The following ZNF385D variants were observed in gnomAD, a reference collection of about 807,000 sequenced individuals.
The protein encoded by ZNF385D is zinc finger protein 659.
In ZNF385D, 15 loss-of-function variants were observed where a neutral mutation model predicts 35.8. The ratio of observed to expected loss-of-function variants is 0.42; its 90% CI spans 0.28 to 0.64. The LOEUF is 0.64. Ranked by LOEUF, ZNF385D falls within the 30% of genes least tolerant of loss-of-function variation. The pLI is 0.23. For missense variants in ZNF385D, 474 were observed against 494.6 expected, an observed-to-expected ratio of 0.96 and a Z score of 0.39; for synonymous variants, 212 against 186.8, an observed-to-expected ratio of 1.13 and a Z score of -1.10.
intron 2 of ZNF385D, among the ~76,000 whole-genome samples, chr3:22,265,527 G>C (rs899273670): frequency 6.6e-6 from 1 of 151,916 alleles, no homozygotes; most frequent in Non-Finnish European, 1.5e-5. Context: ...TACTTAGAGA[G>C]GAAAGCAAGT....
intron 2 of ZNF385D, among the ~76,000 whole-genome samples, chr3:22,336,309 A>G (rs554525911): frequency 1.3e-5 from 2 of 152,314 alleles, no homozygotes; most frequent in African/African-American, 4.8e-5. Flanking sequence ...TGCCTGAAAT[A>G]CTATTGCAAC....
rs551539202 is a variant in ZNF385D, at chr3:21,569,596, C to T, written c.166-4912G>A. Among the ~76,000 whole-genome samples the T allele has an allele frequency of 4.0e-3, 601 of 150,396 alleles. 5 individuals are homozygous for T. The highest frequency in any genetic ancestry group is 0.014 in the African/African-American group (557 of 40,756). The stretch of plus-strand genomic sequence containing the variant: ...TAATATTGTTACGTGTGAATTTGAT[C>T]CTGTCATTATGATGTTAGCTGGTTA... On this transcript the variant is annotated intron_variant, in intron 2 of 7. Coordinates refer to ENST00000281523, the MANE Select transcript of ZNF385D (RefSeq NM_024697.3).
intron 2 of ZNF385D, among the ~76,000 whole-genome samples, chr3:22,282,882 G>C (rs565780144): frequency 1.1e-4 from 17 of 152,090 alleles, no homozygotes; most frequent in African/African-American, 3.9e-4. Flanking sequence ...CCACTTAAAA[G>C]ACACAGAATG....
At chr3:21,946,598 G>T (rs34025961) in intron 3 of ZNF385D, among the ~76,000 whole-genome samples, 39,088 of 151,380 alleles carry the variant, frequency 0.26, 5,838 homozygotes, top group Admixed American at 0.41. Flanking sequence ...TTGGGAGGCT[G>T]AGGCAAGTGG....
intron 2 of ZNF385D, among the ~76,000 whole-genome samples, chr3:22,338,521 G>C (rs765388477): frequency 4.0e-5 from 6 of 151,868 alleles, no homozygotes; most frequent in Non-Finnish European, 8.8e-5. Context: ...AATATACAGT[G>C]GATAGAAATT....
chr3:21,483,497 A>C (rs899436459), intron 4 of ZNF385D, among the ~76,000 whole-genome samples: 1 of 152,146 alleles, frequency 6.6e-6, no homozygotes, highest in Non-Finnish European at 1.5e-5. Flanking sequence ...GTATATGTTT[A>C]CTTTTACAAG....
In ZNF385D at chr3:21,547,004, G is replaced by T. The variant is rs539270443; in HGVS notation, c.276+17570C>A. On this transcript the variant is annotated intron_variant, in intron 3 of 7. Transcript: ENST00000281523. Reference sequence around the variant, plus strand: ...GAAGAGAAGGGAACCAGGGACACTTGCTCCCCTCTTTCTAAATGGGTAGCC... The same window carrying T: ...GAAGAGAAGGGAACCAGGGACACTTTCTCCCCTCTTTCTAAATGGGTAGCC... Among the ~76,000 whole-genome samples the T allele has an allele frequency of 2.6e-5, 4 of 152,134 alleles. No individual in the cohort carries two copies. The East Asian group carries it at 7.8e-4, about 30-fold the overall frequency.
At chr3:22,039,993 T>G (rs1352281664) in intron 3 of ZNF385D, among the ~76,000 whole-genome samples, 2 of 152,136 alleles carry the variant, frequency 1.3e-5, no homozygotes, top group African/African-American at 4.8e-5. Flanking sequence ...TGAGGCTGAA[T>G]ATTTGGCCTC....
chr3:21,844,822 C>T (rs1159975984), intron 3 of ZNF385D, among the ~76,000 whole-genome samples: 1 of 151,852 alleles, frequency 6.6e-6, no homozygotes, highest in Non-Finnish European at 1.5e-5. Context: ...TGAAATTTTT[C>T]AGAGTTGCCT....
Position 22,300,134 on chromosome 3 carries a change from A to G in ZNF385D, c.106+72316T>C, listed in dbSNP as rs148081609. 7.1e-3 allele frequency among the ~76,000 whole-genome samples: 1,082 copies of G among 152,074 alleles called. 9 individuals carry two copies. Among genetic ancestry groups the G allele is most frequent in the African/African-American group, 0.024 (1,003 of 41,540 alleles). On this transcript the variant is annotated intron_variant, in intron 2 of 5. Coordinates refer to the ZNF385D transcript ENST00000494108. ...CACATAGACCAATGGAATAGAATAG[A>G]AAGCCCAGAAATTCATGCATTTAAG...
intron 3 of ZNF385D, among the ~76,000 whole-genome samples, chr3:21,767,568 G>A (rs1306364077): frequency 1.3e-5 from 2 of 151,876 alleles, no homozygotes; most frequent in African/African-American, 4.8e-5. Flanking sequence ...TACATCTCCA[G>A]GATCTCGTGA....
chr3:22,027,326 G>T (rs915281364), intron 3 of ZNF385D, among the ~76,000 whole-genome samples: 2 of 152,200 alleles, frequency 1.3e-5, no homozygotes, highest in Non-Finnish European at 2.9e-5. Context: ...TCCCGAACAG[G>T]GGAAGGTTCT....
chr3:21,638,765 C>T (rs537702268), intron 2 of ZNF385D, among the ~76,000 whole-genome samples: 1 of 152,142 alleles, frequency 6.6e-6, no homozygotes, highest in Non-Finnish European at 1.5e-5. Flanking sequence ...TTTATTTAAG[C>T]CTTTATCTAC....
intron 4 of ZNF385D, among the ~76,000 whole-genome samples, chr3:21,461,259 C>A (rs1271792997): frequency 6.6e-6 from 1 of 152,108 alleles, no homozygotes; most frequent in East Asian, 1.9e-4. Flanking sequence ...ATATTTAAAA[C>A]TCCTCTTTGA....
intron 2 of ZNF385D, among the ~76,000 whole-genome samples, chr3:22,332,979 C>T (rs1037281469): frequency 6.6e-6 from 1 of 150,378 alleles, no homozygotes; most frequent in East Asian, 2.0e-4. Context: ...TTGATCAGTT[C>T]TTTCAGAGAA....
chr3:22,227,897 T>C (rs1324475448), intron 2 of ZNF385D, among the ~76,000 whole-genome samples: 1 of 152,186 alleles, frequency 6.6e-6, no homozygotes, highest in Non-Finnish European at 1.5e-5. Context: ...GTAGCTCTGC[T>C]CTGCAAGGAG....
intron 1 of ZNF385D, among the ~76,000 whole-genome samples, chr3:21,713,277 C>G (rs1017134692): frequency 3.9e-5 from 6 of 152,210 alleles, no homozygotes; most frequent in African/African-American, 1.4e-4. Flanking sequence ...CATCTGCAGA[C>G]CTGCACTTGT....
intron 3 of ZNF385D, among the ~76,000 whole-genome samples, chr3:22,034,709 T>C (rs1332273249): frequency 6.6e-6 from 1 of 152,168 alleles, no homozygotes; most frequent in African/African-American, 2.4e-5. Context: ...TTAAAGAATA[T>C]TATAATTTCA....
In ZNF385D at chr3:22,278,259, C is replaced by G. The variant is rs533109407; in HGVS notation, c.106+94191G>C. Among the ~76,000 whole-genome samples, 3 of 152,198 alleles carry G rather than the reference C, an allele frequency of 2.0e-5. No homozygotes were observed. The East Asian group carries it at 5.8e-4, about 30-fold the overall frequency. ...AAGTAATTAACTCAAAAAGTACAGT[C>G]ACAATGGTGACTGCTTCATTGTCAC... On this transcript the variant is annotated intron_variant, in intron 2 of 5. Coordinates refer to the ZNF385D transcript ENST00000494108.
Sources: allele counts gnomAD v4.1 joint callset (sites outside exome capture counted in the v4.1 genomes callset), GRCh38; gene constraint gnomAD v4.1.1; transcripts MANE v1.5; gene names NCBI Gene and HGNC (gene_info 2026-07-23, HGNC 2026-07-21).